SMCO2: variants seen among roughly 807,000 people sequenced by gnomAD.
SMCO2 encodes single-pass membrane and coiled-coil domain-containing protein 2.
Under a neutral mutation model 29.5 loss-of-function variants are expected in SMCO2, and 25 were observed. The observed-to-expected ratio is 0.85, with a 90% CI of 0.62 to 1.18. SMCO2 has a LOEUF of 1.18. SMCO2 is among the 50% of genes most tolerant of loss of function. SMCO2 has a pLI of 0.00. For synonymous variants in SMCO2, 117 were observed against 123.3 expected (o/e 0.95, Z 0.34); for missense variants, 348 against 344.5 (o/e 1.01, Z -0.08).
chr12:27,434,234 A>G, the SMCO2 span, among the ~76,000 whole-genome samples: 2 of 152,184 alleles, frequency 1.3e-5, no homozygotes, highest in Non-Finnish European at 2.9e-5. Flanking sequence ...CAGGAATGCA[A>G]ATTCCTGCGC....
At chr12:27,478,765 G>A (rs1031009033) in intron 4 of SMCO2, among the ~76,000 whole-genome samples, 1 of 148,386 alleles carries the variant, frequency 6.7e-6, no homozygotes, top group Non-Finnish European at 1.5e-5. Flanking sequence ...CCCACAGAAA[G>A]CAAGTGTTGG....
rs959193956 is a variant in SMCO2, at chr12:27,488,570, A to C, written c.450+23A>C. The stretch of plus-strand genomic sequence containing the variant: ...GAGGTAAGCTAGAGACTTGGGAAAG[A>C]CTGAGAGGTTGGGGATTTCTGTCAC... On this transcript the variant is annotated intron_variant, in intron 5 of 7. Coordinates refer to ENST00000298876, the Ensembl canonical transcript of SMCO2. The C allele has an allele frequency of 2.0e-6, 3 of 1,504,032 alleles. No homozygotes were observed. In the African/African-American group the frequency reaches 4.2e-5, roughly 21 times the overall value. 93.2% of individuals were successfully genotyped at this position (1,504,032 alleles called of 1,614,324 possible).
chr12:27,424,270 A>G, the SMCO2 span: 1 of 152,350 alleles, frequency 6.6e-6, no homozygotes, highest in African/African-American at 2.4e-5. Flanking sequence ...TTGAAGAACA[A>G]TTATTTATTG....
chr12:27,483,012 C>A (rs1280051007), intron 4 of SMCO2, among the ~76,000 whole-genome samples: 2 of 152,232 alleles, frequency 1.3e-5, no homozygotes, highest in East Asian at 3.9e-4. Context: ...CTGGTGTTAA[C>A]CACCGTGCCC....
intron 4 of SMCO2, among the ~76,000 whole-genome samples, chr12:27,484,328 A>G (rs410666): frequency 0.22 from 32,790 of 152,096 alleles, 6,550 homozygotes; most frequent in African/African-American, 0.52. Context: ...GCAGTGAGCC[A>G]AGATCACTCC....
chr12:27,464,978 G>A (rs1312218789), upstream of SMCO2, among the ~76,000 whole-genome samples: 49 of 139,298 alleles, frequency 3.5e-4, no homozygotes, highest in Admixed American at 2.4e-3. Flanking sequence ...GCAGTGAGCC[G>A]AGATCGTACC....
intron 4 of SMCO2, among the ~76,000 whole-genome samples, 188 bp downstream of exon 5, chr12:27,475,919 T>G (rs1406847562): frequency 6.6e-6 from 1 of 152,210 alleles, no homozygotes; most frequent in Non-Finnish European, 1.5e-5. Flanking sequence ...TGGGTTGGTT[T>G]GTTCTTGCTT....
upstream of SMCO2, among the ~76,000 whole-genome samples, chr12:27,466,159 C>T (rs543402594): frequency 2.9e-4 from 44 of 152,326 alleles, no homozygotes; most frequent in South Asian, 1.5e-3. Context: ...CAGTGGCTCA[C>T]GCCTGTAATC....
intron 4 of SMCO2, among the ~76,000 whole-genome samples, chr12:27,484,869 A>T (rs10842920): frequency 1.8e-3 from 189 of 103,668 alleles, no homozygotes; most frequent in East Asian, 5.8e-3. Context: ...AAAAAAAAAA[A>T]AAATATATAT....
At chr12:27,501,173 T>C (rs1221449048) in intron 7 of SMCO2, among the ~76,000 whole-genome samples, 1 of 149,686 alleles carries the variant, frequency 6.7e-6, no homozygotes, top group Non-Finnish European at 1.5e-5. Flanking sequence ...TCCCAGCACT[T>C]TGGGAGGCCG....
At chr12:27,437,575 C>T in the SMCO2 span, among the ~76,000 whole-genome samples, 1 of 152,022 alleles carries the variant, frequency 6.6e-6, no homozygotes, top group Non-Finnish European at 1.5e-5. Flanking sequence ...TTTTATTTCA[C>T]TCGATTTTAT....
At chr12:27,433,542 CAT>C in the SMCO2 span, among the ~76,000 whole-genome samples, 6 of 132,630 alleles carry the variant, frequency 4.5e-5, no homozygotes, top group South Asian at 2.5e-4. Context: ...CACACACACA[CAT>C]ATATCATATT....
At chr12:27,442,136 T>G in the SMCO2 span, among the ~76,000 whole-genome samples, 1 of 152,090 alleles carries the variant, frequency 6.6e-6, no homozygotes, top group African/African-American at 2.4e-5. Flanking sequence ...AACCTAATGA[T>G]GTACCTCAAG....
upstream of SMCO2, among the ~76,000 whole-genome samples, chr12:27,466,625 C>G (rs1331327249): frequency 6.6e-6 from 1 of 152,002 alleles, no homozygotes; most frequent in Non-Finnish European, 1.5e-5. Context: ...GGACAGAGGG[C>G]TGGGGTGGAA....
At chr12:27,495,037 A>C (rs1476329333) in intron 6 of SMCO2, among the ~76,000 whole-genome samples, 1 of 152,030 alleles carries the variant, frequency 6.6e-6, no homozygotes, top group African/African-American at 2.4e-5. Context: ...TCCATCTTTG[A>C]ACTCCTCCCA....
chr12:27,467,909 G>C (rs1949510750), intron 1 of SMCO2, among the ~76,000 whole-genome samples: 1 of 152,150 alleles, frequency 6.6e-6, no homozygotes, highest in South Asian at 2.1e-4. Flanking sequence ...TGCTGCACAT[G>C]TGTAAGCATT....
the SMCO2 span, among the ~76,000 whole-genome samples, chr12:27,456,500 A>G: frequency 6.6e-6 from 1 of 152,138 alleles, no homozygotes; most frequent in African/African-American, 2.4e-5. Flanking sequence ...CCCAGGCTGG[A>G]ATCAAACTCC....
At chr12:27,445,914 T>C in the SMCO2 span, among the ~76,000 whole-genome samples, 4 of 152,014 alleles carry the variant, frequency 2.6e-5, no homozygotes, top group Non-Finnish European at 5.9e-5. Flanking sequence ...TCTCTCTCTT[T>C]TTTTTTTAAG....
chr12:27,488,475 G>T, exon 5 of SMCO2: 1 of 1,534,744 alleles, frequency 6.5e-7, no homozygotes, highest in Non-Finnish European at 8.8e-7. Flanking sequence ...TAAAAGACAT[G>T]CTGACCCTGA....
Sources: gnomAD v4.1 joint callset for allele counts (sites outside exome capture counted in the v4.1 genomes callset) on GRCh38, gnomAD v4.1.1 for gene constraint, MANE v1.5 for transcripts, NCBI Gene and HGNC (gene_info 2026-07-23, HGNC 2026-07-21) for gene names.